Variants in TDRP observed in about 807,000 individuals in gnomAD.
TDRP encodes the protein testis development related protein, also known as testis development-related protein.
In TDRP, 12 loss-of-function variants were observed where a neutral mutation model predicts 10.5. The observed-to-expected ratio is 1.15, with a 90% confidence interval of 0.73 to 1.86. TDRP has a LOEUF of 1.86. Among genes scored for constraint, TDRP ranks in the 40% most tolerant of loss-of-function variants. TDRP has a pLI of 0.00. For missense variants in TDRP, 353 were observed against 229.2 expected (o/e 1.54, Z -3.49); for synonymous variants, 139 against 95.4 (o/e 1.46, Z -2.67).
At chr8:512,347 C>A (rs150551034) in intron 1 of TDRP, among the ~76,000 whole-genome samples, 29 of 152,080 alleles carry the variant, frequency 1.9e-4, no homozygotes, top group African/African-American at 6.0e-4. Context: ...ACAGGAGAAT[C>A]ACTTGAACCC....
At chr8:531,148 G>A (rs1298734795) in intron 1 of TDRP, among the ~76,000 whole-genome samples, 1 of 152,196 alleles carries the variant, frequency 6.6e-6, no homozygotes, top group East Asian at 1.9e-4. Flanking sequence ...GCCACCTTCA[G>A]GGAAAGGCAG....
In TDRP at chr8:492,023, A is replaced by G; in HGVS notation, c.*376T>C. On this transcript the variant is annotated 3_prime_UTR_variant, in exon 3 of 3. Coordinates refer to ENST00000324079, the MANE Select transcript of TDRP (RefSeq NM_001384899.1). ...ACAGCTGCATTTATACGTGCTACAT[A>G]CAAGAAAAAGGTACGGAAGTTCTGA... 5 of 1,113,400 alleles carry G rather than the reference A, an allele frequency of 4.5e-6. No homozygotes were observed. The highest frequency in any genetic ancestry group is 5.5e-6 in the Non-Finnish European group (5 of 913,846). 69.0% of individuals were successfully genotyped at this position (1,113,400 alleles called of 1,614,324 possible).
At chr8:517,929 A>G (rs1219547371) in intron 1 of TDRP, among the ~76,000 whole-genome samples, 1 of 152,226 alleles carries the variant, frequency 6.6e-6, no homozygotes, top group Non-Finnish European at 1.5e-5. Context: ...GACAGTAAAA[A>G]GATCCGTGGT....
intron 1 of TDRP, among the ~76,000 whole-genome samples, chr8:509,310 C>A (rs1247656363): frequency 1.3e-5 from 2 of 152,238 alleles, no homozygotes; most frequent in East Asian, 1.9e-4. Flanking sequence ...CCACATTTCC[C>A]TTCCATACTG....
chr8:527,512 T>A (rs965154196), intron 1 of TDRP, among the ~76,000 whole-genome samples: 2 of 152,040 alleles, frequency 1.3e-5, no homozygotes, highest in African/African-American at 4.8e-5. Flanking sequence ...GACTTCAAAT[T>A]ATACTACAGA....
intron 1 of TDRP, among the ~76,000 whole-genome samples, chr8:534,701 T>G (rs1378843681): frequency 1.3e-5 from 2 of 152,072 alleles, no homozygotes; most frequent in Non-Finnish European, 2.9e-5. Context: ...TGATGATGAG[T>G]GTTTGCTGCT....
intron 1 of TDRP, among the ~76,000 whole-genome samples, chr8:520,588 C>G (rs903122897): frequency 6.6e-6 from 1 of 152,216 alleles, no homozygotes; most frequent in Non-Finnish European, 1.5e-5. Context: ...CCAATCTCCC[C>G]GCATCCTTGG....
At position 507,035 on chromosome 8, in the gene TDRP, C is replaced by G. The variant is rs181616054; in HGVS notation, c.109-12438G>C. Among the ~76,000 whole-genome samples the G allele has an allele frequency of 2.0e-4, 30 of 152,244 alleles. 1 individual carries two copies. Among genetic ancestry groups the G allele is most frequent in the South Asian group, 6.2e-4 (3 of 4,814 alleles). ...CTTAACAGGAAGCATGGCTGGGAAG[C>G]TTTGGGAAACTTACAATCATGGCGG... On this transcript the variant is annotated intron_variant, in intron 1 of 2. Coordinates refer to ENST00000324079, the MANE Select transcript of TDRP (RefSeq NM_001384899.1).
At chr8:526,701 T>A (rs80236680) in intron 1 of TDRP, among the ~76,000 whole-genome samples, 3,168 of 152,274 alleles carry the variant, frequency 0.021, 109 homozygotes, top group African/African-American at 0.072. Flanking sequence ...ATGAGGGCAA[T>A]ACTAGCCTTG....
rs1476554041 is a variant in TDRP, at chr8:492,226, C to G, written c.*173G>C. 1 of 1,285,870 alleles carries G rather than the reference C, an allele frequency of 7.8e-7. No homozygotes were observed. The highest frequency in any genetic ancestry group is 9.8e-7 in the Non-Finnish European group (1 of 1,020,240). 79.7% of individuals were successfully genotyped at this position (1,285,870 alleles called of 1,614,324 possible). On this transcript the variant is annotated 3_prime_UTR_variant, in exon 3 of 3. Coordinates refer to ENST00000324079, the MANE Select transcript of TDRP (RefSeq NM_001384899.1). ...ATGTACAATCCCTGCACGTGTTCACCAAGGAGTCACAGTGTGTGTGAGAGT... is the reference window on the plus strand; with the variant it reads ...ATGTACAATCCCTGCACGTGTTCACGAAGGAGTCACAGTGTGTGTGAGAGT...
At position 511,723 on chromosome 8, in the gene TDRP, G is replaced by C. The variant is rs114029864; in HGVS notation, c.109-17126C>G. The stretch of plus-strand genomic sequence containing the variant: ...AAACAAACCTGGATATATTTAACAG[G>C]ATAAAACTATTCAAAGTCCTTTCTT... On this transcript the variant is annotated intron_variant, in intron 1 of 2. Transcript: ENST00000324079. 4.9e-3 allele frequency among the ~76,000 whole-genome samples: 751 copies of C among 152,268 alleles called. 7 individuals are homozygous for C. The highest frequency in any genetic ancestry group is 0.017 in the African/African-American group (720 of 41,546).
intron 1 of TDRP, among the ~76,000 whole-genome samples, chr8:509,743 C>T (rs182064961): frequency 1.8e-4 from 27 of 152,328 alleles, no homozygotes; most frequent in Admixed American, 3.9e-4. Flanking sequence ...TGCTACTTAA[C>T]GCAAATTTCT....
Position 492,712 on chromosome 8 carries a change from GCCTTCAACT to G in TDRP, c.236_244del (p.Glu79_Lys81del). 2 of 1,613,044 alleles carry G rather than the reference GCCTTCAACT, an allele frequency of 1.2e-6. No homozygotes were observed. The highest frequency in any genetic ancestry group is 2.2e-5 in the South Asian group (2 of 90,976). On this transcript the variant is annotated inframe_deletion, in exon 3 of 3. Transcript: ENST00000324079. ...GTCCCAAAATCCAGATTTCTTCTCT[GCCTTCAACT>G]CTTCTTTTAATCGTAAGTTAGTTCT... is the stretch of plus-strand genomic sequence containing the variant.
intron 1 of TDRP, among the ~76,000 whole-genome samples, chr8:518,358 AG>A (rs1394662683): frequency 6.6e-6 from 1 of 152,290 alleles, no homozygotes; most frequent in Non-Finnish European, 1.5e-5. Flanking sequence ...CAAAGCCAAC[AG>A]GCATGGGTAC....
chr8:494,694 A>C, intron 1 of TDRP, 97 bp from the exon 2 acceptor site: 1 of 1,053,884 alleles, frequency 9.5e-7, no homozygotes, highest in Non-Finnish European at 1.4e-6. Context: ...TTTAGAAAAA[A>C]GAATTGGCAG....
chr8:493,313 G>T (rs1459180002), intron 2 of TDRP, among the ~76,000 whole-genome samples: 1 of 152,234 alleles, frequency 6.6e-6, no homozygotes, highest in Non-Finnish European at 1.5e-5. Context: ...TGGGAACATT[G>T]TTAAGAACAC....
chr8:530,327 A>G (rs1248198983), intron 1 of TDRP, among the ~76,000 whole-genome samples: 1 of 152,166 alleles, frequency 6.6e-6, no homozygotes, highest in African/African-American at 2.4e-5. Context: ...TCTTTGTCAG[A>G]TAATTCATTT....
intron 1 of TDRP, among the ~76,000 whole-genome samples, chr8:518,352 G>C (rs144910032): frequency 1.3e-5 from 2 of 152,116 alleles, no homozygotes; most frequent in Admixed American, 1.3e-4. Flanking sequence ...ACACAACAAA[G>C]CCAACAGGCA....
Position 491,510 on chromosome 8 carries a change from A to C in TDRP, c.*889T>G. On this transcript the variant is annotated 3_prime_UTR_variant, in exon 3 of 3. Coordinates refer to ENST00000324079, the MANE Select transcript of TDRP (RefSeq NM_001384899.1). ...CACAGCTTCTTACAGATCTAACACCAATCACAATAGGCATCTCGCTTTGCA... is the reference window on the plus strand; with the variant it reads ...CACAGCTTCTTACAGATCTAACACCCATCACAATAGGCATCTCGCTTTGCA... The C allele has an allele frequency of 8.8e-7, 1 of 1,134,320 alleles. No homozygotes were observed. Among genetic ancestry groups the C allele is most frequent in the Admixed American group, 3.0e-5 (1 of 32,916 alleles). 70.3% of individuals were successfully genotyped at this position (1,134,320 alleles called of 1,614,324 possible).
Sources: allele counts gnomAD v4.1 joint callset (sites outside exome capture counted in the v4.1 genomes callset), GRCh38; gene constraint gnomAD v4.1.1; transcripts MANE v1.5; gene names NCBI Gene and HGNC (gene_info 2026-07-23, HGNC 2026-07-21).